The following CSNK1A1 variants were observed in gnomAD, a reference collection of about 807,000 sequenced individuals.
CSNK1A1 encodes the protein casein kinase 1 alpha 1, also known as casein kinase I isoform alpha.
A neutral mutation model predicts 46.1 loss-of-function variants in CSNK1A1; 7 were observed. The observed-to-expected ratio is 0.15, with a 90% CI of 0.09 to 0.29. The LOEUF is 0.29. Among genes scored for constraint, CSNK1A1 ranks in the 10% least tolerant of loss-of-function variants. The pLI is 1.00. For synonymous variants in CSNK1A1, 137 were observed against 141.5 expected (o/e 0.97, Z 0.23); for missense variants, 96 against 417.1 (o/e 0.23, Z 6.71).
intron 2 of CSNK1A1, among the ~76,000 whole-genome samples, chr5:149,544,583 A>G (rs930133479): frequency 6.6e-6 from 1 of 151,476 alleles, no homozygotes; most frequent in East Asian, 1.9e-4. Context: ...AAAGGTTTTA[A>G]CAGAAACTCA....
rs980026188 is a variant in CSNK1A1, at chr5:149,517,187, A to C, written c.456+3103T>G. Among the ~76,000 whole-genome samples the C allele has an allele frequency of 2.0e-5, 3 of 152,182 alleles. No homozygotes were observed. Among genetic ancestry groups the C allele is most frequent in the African/African-American group, 7.2e-5 (3 of 41,440 alleles). ...TACCATATAACTTGATAAGTGCTTA[A>C]GCTATGTTATTGTTATATTGTTAAG... On this transcript the variant is annotated intron_variant, in intron 4 of 9. Coordinates refer to ENST00000377843, the MANE Select transcript of CSNK1A1 (RefSeq NM_001892.6). This position sits in a 1 kb window ranked among gnomAD's most constrained non-coding sequence, Gnocchi z 4.4.
chr5:149,535,689 G>A (rs190603449), intron 2 of CSNK1A1, among the ~76,000 whole-genome samples: 318 of 152,266 alleles, frequency 2.1e-3, no homozygotes, highest in African/African-American at 7.1e-3. Flanking sequence ...GCCCAGACTG[G>A]AATGCACTGG....
intron 2 of CSNK1A1, among the ~76,000 whole-genome samples, chr5:149,532,937 A>G: frequency 6.6e-6 from 1 of 152,214 alleles, no homozygotes; most frequent in East Asian, 1.9e-4. Flanking sequence ...CTGTAGAATA[A>G]GATCTAATAT....
At chr5:149,524,533 A>C (rs1761671224) in intron 3 of CSNK1A1, among the ~76,000 whole-genome samples, 2 of 152,122 alleles carry the variant, frequency 1.3e-5, no homozygotes, top group Admixed American at 6.6e-5. Flanking sequence ...GACATCACCA[A>C]AATTTCCTAG....
At chr5:149,538,874 A>G (rs1762144002) in intron 2 of CSNK1A1, among the ~76,000 whole-genome samples, 1 of 151,940 alleles carries the variant, frequency 6.6e-6, no homozygotes, top group Non-Finnish European at 1.5e-5. Flanking sequence ...GTGAGCCGAG[A>G]TTGTGCCATT....
chr5:149,517,786 T>C lies in CSNK1A1; in HGVS notation c.456+2504A>G, dbSNP rs1761445695. On this transcript the variant is annotated intron_variant, in intron 4 of 9. Coordinates refer to ENST00000377843, the MANE Select transcript of CSNK1A1 (RefSeq NM_001892.6). This position sits in a 1 kb window ranked among gnomAD's most constrained non-coding sequence, Gnocchi z 4.4. ...GGATTGAGGTTGGAATAGGAGACAG[T>C]TTCAGACCTGGTTTAATCCTGAGAA... The C allele has an allele frequency of 6.3e-7, 1 of 1,577,664 alleles. No individual in the cohort carries two copies. Among genetic ancestry groups the C allele is most frequent in the Non-Finnish European group, 8.7e-7 (1 of 1,152,278 alleles).
intron 2 of CSNK1A1, among the ~76,000 whole-genome samples, chr5:149,535,225 C>T (rs1015955267): frequency 6.6e-6 from 1 of 152,166 alleles, no homozygotes; most frequent in Non-Finnish European, 1.5e-5. Flanking sequence ...TTATTAATTC[C>T]GAATTTCCAC....
chr5:149,530,388 AG>A (rs1369189923), intron 2 of CSNK1A1, among the ~76,000 whole-genome samples: 1 of 152,218 alleles, frequency 6.6e-6, no homozygotes, highest in Non-Finnish European at 1.5e-5. Context: ...TAATTATAAA[AG>A]TTAAAAAGTC....
rs959748779 is a variant in CSNK1A1 at position 149,524,976 on chromosome 5, T to G, written c.357+69A>C. On this transcript the variant is annotated intron_variant, in intron 3 of 9. Transcript: ENST00000377843. Reference sequence around the variant, plus strand: ...GATGCACAGGATTTTAATACTCTGATTTATGAATAATGAAATTCCAGTCAA... The same window carrying G: ...GATGCACAGGATTTTAATACTCTGAGTTATGAATAATGAAATTCCAGTCAA... 5.0e-6 allele frequency: 7 copies of G among 1,406,022 alleles called. No individual in the cohort carries two copies. The Admixed American group carries it at 1.4e-4, about 29-fold the overall frequency. The allele number at this position is 1,406,022 out of a possible 1,614,324, so 87.1% of individuals were successfully genotyped here.
chr5:149,519,360 A>C (rs962118434), intron 4 of CSNK1A1, among the ~76,000 whole-genome samples: 3 of 152,094 alleles, frequency 2.0e-5, no homozygotes, highest in Admixed American at 1.3e-4. Context: ...AAACAAAACA[A>C]AAAAGCCACA....
chr5:149,544,758 T>TACAC (rs1554118058), intron 2 of CSNK1A1, among the ~76,000 whole-genome samples: 8 of 129,264 alleles, frequency 6.2e-5, no homozygotes, highest in Admixed American at 2.4e-4. Flanking sequence ...TATATATATA[T>TACAC]ATATATAGTT....
At position 149,550,339 on chromosome 5, in the gene CSNK1A1, A is replaced by G; in HGVS notation, c.124-158T>C. Reference sequence around the variant, plus strand: ...TCGGTAATTATAAAACGAGGCAACCAGCCTCAAAGGCCTCTTCAGGGGGTA... The same window carrying G: ...TCGGTAATTATAAAACGAGGCAACCGGCCTCAAAGGCCTCTTCAGGGGGTA... On this transcript the variant is annotated intron_variant, in intron 1 of 9. Transcript: ENST00000377843. This position sits in a 1 kb window ranked among gnomAD's most constrained non-coding sequence, Gnocchi z 4.3. 7.0e-7 allele frequency: 1 copy of G among 1,433,516 alleles called. No homozygotes were observed. The highest frequency in any genetic ancestry group is 9.1e-7 in the Non-Finnish European group (1 of 1,098,596). The allele number at this position is 1,433,516 out of a possible 1,614,324, so 88.8% of individuals were successfully genotyped here.
intron 2 of CSNK1A1, among the ~76,000 whole-genome samples, chr5:149,546,704 A>G (rs1407754731): frequency 6.6e-6 from 1 of 152,162 alleles, no homozygotes; most frequent in African/African-American, 2.4e-5. Context: ...ACAAATTTGT[A>G]TATGAAGGAT....
In CSNK1A1 at chr5:149,493,136, T is replaced by A. The variant is rs1345434240; in HGVS notation, c.*3717A>T. On this transcript the variant is annotated 3_prime_UTR_variant, in exon 10 of 10. Transcript: ENST00000377843. ...CCCAGGCTGGAGTGCAGTGGCACGA[T>A]CTCAGCTCACTGCAACCTCCATCTC... 1 of 152,298 alleles carries A rather than the reference T, an allele frequency of 6.6e-6. No individual in the cohort carries two copies. Among genetic ancestry groups the A allele is most frequent in the South Asian group, 2.1e-4 (1 of 4,834 alleles). The allele number at this position is 152,298 out of a possible 1,614,324, so 9.4% of individuals were successfully genotyped here.
At chr5:149,518,739 G>T (rs927449630) in intron 4 of CSNK1A1, among the ~76,000 whole-genome samples, 9 of 150,896 alleles carry the variant, frequency 6.0e-5, no homozygotes, top group African/African-American at 2.2e-4. Context: ...TTCACCACTA[G>T]ATAACTTACA....
chr5:149,545,589 T>C (rs1163944689), intron 2 of CSNK1A1: 4 of 793,392 alleles, frequency 5.0e-6, no homozygotes, highest in African/African-American at 1.7e-5. Flanking sequence ...TGACACCCTT[T>C]GGGATCTTGG....
At chr5:149,545,467 G>T (rs896667166) in intron 2 of CSNK1A1, 2 of 547,090 alleles carry the variant, frequency 3.7e-6, no homozygotes, top group Non-Finnish European at 6.6e-6. Flanking sequence ...CCTGGGCCTT[G>T]GTTGATCCTT....
At chr5:149,512,929 G>A (rs1761277288) in intron 5 of CSNK1A1, 141 bp downstream of exon 5, 1 of 975,440 alleles carries the variant, frequency 1.0e-6, no homozygotes, top group African/African-American at 1.6e-5. Context: ...GGTTAAAGCA[G>A]CAGGTAAAAT....
At chr5:149,501,595 A>G (rs17710492) in intron 9 of CSNK1A1, 100,411 of 985,004 alleles carry the variant, frequency 0.1, 5,604 homozygotes, top group Non-Finnish European at 0.11. Context: ...AGCTGTCTAT[A>G]TTATTATGAT....
Sources: gnomAD v4.1 joint callset for allele counts (sites outside exome capture counted in the v4.1 genomes callset) on GRCh38, gnomAD v4.1.1 for gene constraint, Gnocchi (gnomAD v3.1) non-coding constraint, MANE v1.5 for transcripts, NCBI Gene and HGNC (gene_info 2026-07-23, HGNC 2026-07-21) for gene names.